Variants in NGEF observed in about 807,000 individuals in gnomAD.
NGEF encodes the protein neuronal guanine nucleotide exchange factor.
Under a neutral mutation model 80.9 loss-of-function variants are expected in NGEF, and 31 were observed. That is an observed-to-expected ratio of 0.38 (90% CI 0.29 to 0.52). The LOEUF is 0.52. NGEF is among the 20% of genes least tolerant of loss of function. The probability of loss-of-function intolerance (pLI) is 0.84; values close to 1 mark genes in which losing one functional copy is unlikely to be tolerated. For missense variants in NGEF, 709 were observed against 926.2 expected (o/e 0.77, Z 3.04); for synonymous variants, 371 against 370.2 (o/e 1.00, Z -0.03).
chr2:232,961,617 C>T (rs867414555), intron 3 of NGEF, among the ~76,000 whole-genome samples: 8 of 152,080 alleles, frequency 5.3e-5, no homozygotes, highest in East Asian at 1.9e-4. Context: ...CTCAGCCTCC[C>T]GAGTAGCTGG....
intron 5 of NGEF, among the ~76,000 whole-genome samples, chr2:232,906,809 G>A (rs1486421744): frequency 6.6e-6 from 1 of 151,774 alleles, no homozygotes; most frequent in East Asian, 1.9e-4. Flanking sequence ...TAGTAGACAT[G>A]GGAGACTTTT....
At chr2:233,013,016 C>T (rs1351789395) in intron 1 of NGEF, 52 bp downstream of exon 1, 1 of 457,092 alleles carries the variant, frequency 2.2e-6, no homozygotes, top group Non-Finnish European at 4.5e-6. Context: ...TGTTCCTTCT[C>T]TTGTTTTATC....
intron 8 of NGEF, 49 bp from the exon 9 acceptor site, chr2:232,888,156 C>T (rs1235139845): frequency 7.0e-7 from 1 of 1,426,090 alleles, no homozygotes; most frequent in Non-Finnish European, 9.6e-7. Context: ...CTGGTCTTTC[C>T]TCCCATTTCC....
At chr2:232,939,518 T>G (rs1693398112) in intron 3 of NGEF, among the ~76,000 whole-genome samples, 1 of 152,222 alleles carries the variant, frequency 6.6e-6, no homozygotes. Context: ...GTAGCATGTA[T>G]TTAATAATAA....
intron 1 of NGEF, among the ~76,000 whole-genome samples, chr2:232,986,800 T>C (rs756744803): frequency 1.7e-4 from 26 of 152,210 alleles, no homozygotes; most frequent in Non-Finnish European, 2.6e-4. Context: ...CAGGTGGTGA[T>C]GGATGTGTTA....
At chr2:232,905,180 T>G (rs1692467959) in intron 5 of NGEF, among the ~76,000 whole-genome samples, 2 of 152,036 alleles carry the variant, frequency 1.3e-5, no homozygotes, top group Non-Finnish European at 2.9e-5. Context: ...TGCTGCCATC[T>G]CGGCTCACTG....
chr2:232,954,294 T>C (rs916006495), intron 3 of NGEF, among the ~76,000 whole-genome samples: 1 of 152,158 alleles, frequency 6.6e-6, no homozygotes, highest in African/African-American at 2.4e-5. Context: ...TTAACTGTCT[T>C]AGGCCTGGGG....
Position 232,920,531 on chromosome 2 carries a change from C to T in NGEF, c.581G>A (p.Arg194Lys). The change falls in exon 5 of 15, where the codon AGG (arginine) becomes AAG (lysine). Residue 194 changes from arginine (R) to lysine (K), a missense_variant. Transcript: ENST00000264051. The part of the protein sequence containing the change: ...DKSTLQEIET[R>K]RQQDAEIEDN... ...TTCTATTTCTGCATCCTGTTGCCTC[C>T]TGGTTTCGATTTCTTGGAGAGTCGA... 6.4e-7 allele frequency: 1 copy of T among 1,564,550 alleles called. No individual in the cohort carries two copies. Among genetic ancestry groups the T allele is most frequent in the Non-Finnish European group, 8.7e-7 (1 of 1,152,608 alleles).
Position 232,974,824 on chromosome 2 carries a change from T to G in NGEF, c.67A>C (p.Thr23Pro). 1 of 1,614,232 alleles carries G rather than the reference T, an allele frequency of 6.2e-7. No homozygotes were observed. Among genetic ancestry groups the G allele is most frequent in the Non-Finnish European group, 8.5e-7 (1 of 1,180,032 alleles). Reference protein sequence around the residue: ...RRKSASDQWNTDNEPAKVKPE... With the variant: ...RRKSASDQWNPDNEPAKVKPE... ...TTCACCTTGGCTGGTTCATTATCAGTGTTCCATTGATCACTTGCTGATTTC... is the reference window on the plus strand; with the variant it reads ...TTCACCTTGGCTGGTTCATTATCAGGGTTCCATTGATCACTTGCTGATTTC... The change falls in exon 2 of 15, where the codon ACT becomes CCT. Residue 23 changes from threonine to proline, a missense_variant. Around this residue, in one of 2 missense-constraint regions of NGEF, gnomAD observed 283 missense variants for 303.4 expected, o/e 0.93. Coordinates refer to ENST00000264051, the MANE Select transcript of NGEF (RefSeq NM_019850.3).
At position 232,918,569 on chromosome 2, in the gene NGEF, T is replaced by C. The variant is rs1416796361; in HGVS notation, c.828+1715A>G. Among the ~76,000 whole-genome samples, 5 of 152,280 alleles carry C rather than the reference T, an allele frequency of 3.3e-5. No homozygotes were observed. In the South Asian group the frequency reaches 1.0e-3, roughly 32 times the overall value. ...AGGGCCCTTTCTCTCCTTTTAGCTT[T>C]GCTTATGTTGTAAAAGGTTTCTAAC... On this transcript the variant is annotated intron_variant, in intron 5 of 14. Coordinates refer to ENST00000264051, the MANE Select transcript of NGEF (RefSeq NM_019850.3).
intron 14 of NGEF, 47 bp downstream of exon 14, chr2:232,881,099 G>A: frequency 6.7e-7 from 1 of 1,485,244 alleles, no homozygotes. Flanking sequence ...CATCCCTTGT[G>A]GGGCAAGTTC....
At chr2:232,886,232 CTGTG>C (rs776651814) in intron 9 of NGEF, among the ~76,000 whole-genome samples, 5 of 80,862 alleles carry the variant, frequency 6.2e-5, no homozygotes, top group Non-Finnish European at 1.3e-4. Context: ...TAAGTATGTG[CTGTG>C]TGTGTGTGCA....
Position 232,920,551 on chromosome 2 carries a change from A to C in NGEF, c.561T>G (p.Thr187=), listed in dbSNP as rs563280947. The change falls in exon 5 of 15, where the codon ACT becomes ACG. Residue 187 remains threonine, a synonymous_variant. Transcript: ENST00000264051. ...LLYQEYRDKS[T]LQEIETRRQQ... is the part of the protein sequence containing the mutation. The stretch of plus-strand genomic sequence containing the variant: ...GCCTCCTGGTTTCGATTTCTTGGAG[A>C]GTCGATTTATCTCGGTATTCCTGAT... 1 of 1,542,198 alleles carries C rather than the reference A, an allele frequency of 6.5e-7. No individual in the cohort carries two copies. The highest frequency in any genetic ancestry group is 2.3e-5 in the East Asian group (1 of 43,292).
At chr2:232,975,875 C>G (rs1448640059) in intron 1 of NGEF, among the ~76,000 whole-genome samples, 1 of 152,102 alleles carries the variant, frequency 6.6e-6, no homozygotes, top group African/African-American at 2.4e-5. Context: ...ATACATTTTT[C>G]TGGCCTATCG....
chr2:232,914,135 T>C (rs1251170543), intron 5 of NGEF, among the ~76,000 whole-genome samples: 1 of 152,174 alleles, frequency 6.6e-6, no homozygotes, highest in Non-Finnish European at 1.5e-5. Flanking sequence ...CTTTACACAG[T>C]GTCTATAGCT....
At chr2:232,969,420 G>A (rs537246302) in intron 3 of NGEF, among the ~76,000 whole-genome samples, 151 of 146,620 alleles carry the variant, frequency 1.0e-3, no homozygotes, top group Middle Eastern at 3.5e-3. Flanking sequence ...AAGATACAGT[G>A]AACTATCTCT....
intron 3 of NGEF, among the ~76,000 whole-genome samples, chr2:232,927,675 G>A (rs1360797842): frequency 6.6e-6 from 1 of 152,104 alleles, no homozygotes; most frequent in East Asian, 1.9e-4. Flanking sequence ...GGAGACTCCG[G>A]GCAGGGACCG....
chr2:232,970,805 A>AG (rs1422359082), intron 2 of NGEF, among the ~76,000 whole-genome samples: 3 of 152,030 alleles, frequency 2.0e-5, no homozygotes, highest in Non-Finnish European at 4.4e-5. Flanking sequence ...AAAAAAAAAA[A>AG]AGAAAATTAT....
intron 13 of NGEF, among the ~76,000 whole-genome samples, chr2:232,881,813 G>A (rs892366563): frequency 3.9e-5 from 6 of 152,172 alleles, no homozygotes; most frequent in Non-Finnish European, 8.8e-5. Flanking sequence ...CTGACCTCAG[G>A]TGATCCACCC....
Sources: gnomAD v4.1 joint callset for allele counts (sites outside exome capture counted in the v4.1 genomes callset) on GRCh38, gnomAD v4.1.1 for gene constraint, gnomAD v4.1.1 regional missense constraint, MANE v1.5 for transcripts, NCBI Gene and HGNC (gene_info 2026-07-23, HGNC 2026-07-21) for gene names.